PSMA6: variants seen among roughly 807,000 people sequenced by gnomAD.
PSMA6 encodes the protein proteasome subunit alpha type-6.
For synonymous variants in PSMA6, 88 were observed against 97.7 expected, an observed-to-expected ratio of 0.90 and a Z score of 0.59; for missense variants, 170 against 294.8, an observed-to-expected ratio of 0.58 and a Z score of 3.10.
intron 1 of PSMA6, among the ~76,000 whole-genome samples, chr14:35,279,165 A>G (rs905212475): frequency 1.3e-5 from 2 of 152,164 alleles, no homozygotes; most frequent in African/African-American, 4.8e-5. Flanking sequence ...CTCCTGCTTC[A>G]GCCTCCTGAG....
intron 1 of PSMA6, among the ~76,000 whole-genome samples, chr14:35,286,545 A>G (rs1048963183): frequency 6.6e-6 from 1 of 152,216 alleles, no homozygotes; most frequent in African/African-American, 2.4e-5. Flanking sequence ...AAATATCAAA[A>G]GCCGTAAGAG....
At chr14:35,314,947 A>ATGTGTGTGTG (rs59477296) in intron 6 of PSMA6, 14,517 of 141,060 alleles carry the variant, frequency 0.1, 893 homozygotes, top group Admixed American at 0.14. Flanking sequence ...CAGTTGCTGG[A>ATGTGTGTGTG]TGTGTGTGTG....
At chr14:35,310,972 A>G in intron 4 of PSMA6, 77 bp downstream of exon 4, 1 of 1,406,824 alleles carries the variant, frequency 7.1e-7, no homozygotes, top group Admixed American at 2.1e-5. Flanking sequence ...AATTATTTAA[A>G]TAACACTTGA....
chr14:35,305,817 C>T (rs1405728896), intron 1 of PSMA6, among the ~76,000 whole-genome samples: 1 of 152,164 alleles, frequency 6.6e-6, no homozygotes, highest in Non-Finnish European at 1.5e-5. Flanking sequence ...AATATGTGCC[C>T]AGGCCAGGAA....
intron 2 of PSMA6, chr14:35,308,544 G>T (rs188497269): frequency 3.8e-4 from 76 of 201,922 alleles, no homozygotes; most frequent in Admixed American, 3.0e-3. Context: ...TCCAAGAAGT[G>T]TCTATTGAAC....
At chr14:35,292,301 G>A, upstream of PSMA6, 1 of 1,424,640 alleles carries the variant, frequency 7.0e-7, no homozygotes, top group South Asian at 1.5e-5. Flanking sequence ...TAGGGGGCGG[G>A]GCCTCAGAGC....
chr14:35,292,841 C>T (rs562448040), intron 1 of PSMA6: 1 of 534,410 alleles, frequency 1.9e-6, no homozygotes, highest in Admixed American at 2.9e-5. Context: ...TCGTGAGGCC[C>T]CTTCAGTTAT....
chr14:35,295,210 G>A (rs556847267), intron 1 of PSMA6, among the ~76,000 whole-genome samples: 92 of 151,888 alleles, frequency 6.1e-4, no homozygotes, highest in African/African-American at 2.1e-3. Flanking sequence ...GTGCTGGCGT[G>A]CCTGTAGTCC....
chr14:35,291,131 A>G (rs2051474101), upstream of PSMA6, among the ~76,000 whole-genome samples: 1 of 151,444 alleles, frequency 6.6e-6, no homozygotes, highest in African/African-American at 2.4e-5. Context: ...AGCTGGGACT[A>G]CTGGCGCGCG....
chr14:35,314,429 A>G lies in PSMA6; in HGVS notation c.657A>G (p.Val219=). ...DFKPSEIEVG[V]VTVENPKFRI... is the part of the protein sequence containing the mutation. ...AACCTTCAGAAATAGAAGTTGGAGT[A>G]GTGACAGTTGAAAATCCTAAATTCA... The change falls in exon 6 of 7, where the codon GTA becomes GTG. Residue 219 remains valine (V), a synonymous_variant. Coordinates refer to ENST00000261479, the MANE Select transcript of PSMA6 (RefSeq NM_002791.3). The G allele has an allele frequency of 1.2e-6, 2 of 1,611,786 alleles. No individual in the cohort carries two copies. Among genetic ancestry groups the G allele is most frequent in the Admixed American group, 1.7e-5 (1 of 59,916 alleles).
chr14:35,290,056 G>A (rs1308650416), upstream of PSMA6, among the ~76,000 whole-genome samples: 4 of 152,086 alleles, frequency 2.6e-5, no homozygotes, highest in African/African-American at 4.8e-5. Flanking sequence ...GCAGGAATTC[G>A]CTTGAGAGGG....
At chr14:35,287,840 CA>C (rs1231821435), upstream of PSMA6, among the ~76,000 whole-genome samples, 1 of 152,194 alleles carries the variant, frequency 6.6e-6, no homozygotes, top group Non-Finnish European at 1.5e-5. Context: ...CTCCCTGACC[CA>C]GGGGAAAGTC....
intron 1 of PSMA6, among the ~76,000 whole-genome samples, chr14:35,293,666 G>T (rs1045224110): frequency 2.0e-5 from 3 of 152,200 alleles, no homozygotes; most frequent in Non-Finnish European, 4.4e-5. Flanking sequence ...CATCTTGTTG[G>T]ATAATTCAGT....
At chr14:35,308,258 T>C in intron 2 of PSMA6, 170 bp downstream of exon 2, 3 of 741,612 alleles carry the variant, frequency 4.0e-6, no homozygotes, top group Non-Finnish European at 3.9e-6. Flanking sequence ...CCTGTCTCTA[T>C]TAAAAATACA....
intron 1 of PSMA6, among the ~76,000 whole-genome samples, chr14:35,285,092 T>G (rs886068609): frequency 1.3e-5 from 2 of 152,162 alleles, no homozygotes; most frequent in African/African-American, 4.8e-5. Flanking sequence ...ATGACTGTAA[T>G]CCCAGCACTT....
intron 3 of PSMA6, among the ~76,000 whole-genome samples, chr14:35,309,777 C>A (rs2051904309): frequency 6.6e-6 from 1 of 152,064 alleles, no homozygotes; most frequent in South Asian, 2.1e-4. Flanking sequence ...GCCTCGGCAA[C>A]AGAGTGAGAC....
intron 1 of PSMA6, among the ~76,000 whole-genome samples, chr14:35,304,786 T>C (rs1236567046): frequency 6.6e-6 from 1 of 151,906 alleles, no homozygotes; most frequent in Non-Finnish European, 1.5e-5. Flanking sequence ...GCTATTATAA[T>C]TAACCAATTA....
At chr14:35,307,866 A>G in intron 1 of PSMA6, 128 bp from the exon 2 acceptor site, 1 of 755,428 alleles carries the variant, frequency 1.3e-6, no homozygotes, top group South Asian at 2.2e-5. Flanking sequence ...GACTTTGCAC[A>G]TCCTGGAATG....
Position 35,310,670 on chromosome 14 carries a change from C to A in PSMA6, c.254-70C>A, listed in dbSNP as rs2051927353. 5 of 1,540,614 alleles carry A rather than the reference C, an allele frequency of 3.2e-6. No homozygotes were observed. The African/African-American group carries it at 6.9e-5, about 21-fold the overall frequency. On this transcript the variant is annotated intron_variant, in intron 3 of 6. Transcript: ENST00000261479. Reference sequence around the variant, plus strand: ...TCTATATGGTGGGAAAATTGCCTGGCTAAATTGCCTGGCTTTCAGGTTTGT... The same window carrying A: ...TCTATATGGTGGGAAAATTGCCTGGATAAATTGCCTGGCTTTCAGGTTTGT...
Sources: allele counts gnomAD v4.1 joint callset (sites outside exome capture counted in the v4.1 genomes callset), GRCh38; gene constraint gnomAD v4.1.1; transcripts MANE v1.5; gene names NCBI Gene and HGNC (gene_info 2026-07-23, HGNC 2026-07-21).